ROBO3: variants seen among roughly 807,000 people sequenced by gnomAD.
ROBO3 encodes the protein roundabout guidance receptor 3, also known as roundabout homolog 3.
ROBO3 carries 97 observed loss-of-function variants against 160.5 expected under a neutral mutation model. The observed-to-expected ratio is 0.60, with a 90% CI of 0.51 to 0.72. ROBO3 has a LOEUF of 0.72. Ranked by LOEUF, ROBO3 falls within the 30% of genes least tolerant of loss-of-function variation. The probability of loss-of-function intolerance (pLI) is 0.00; values close to 1 mark genes in which losing one functional copy is unlikely to be tolerated. For synonymous variants in ROBO3, 780 were observed against 746.2 expected (o/e 1.05, Z -0.74); for missense variants, 1,858 against 1,846.5 (o/e 1.01, Z -0.11).
rs970852597 is a variant in ROBO3, at chr11:124,876,364, G to A, written c.2683G>A (p.Ala895Thr). The A allele has an allele frequency of 7.0e-7, 1 of 1,434,684 alleles. No individual in the cohort carries two copies. Among genetic ancestry groups the A allele is most frequent in the Non-Finnish European group, 9.1e-7 (1 of 1,102,800 alleles). The allele number at this position is 1,434,684 out of a possible 1,614,324, so 88.9% of individuals were successfully genotyped here. The part of the protein sequence containing the change: ...ARVLREPAFL[A>T]GSGAACGALL... ...GGTGCTGCGGGAGCCCGCCTTCCTC[G>A]CGGGCAGCGGCGCAGCCTGCGGGGC... is the stretch of plus-strand genomic sequence containing the variant. The change falls in exon 17 of 28, where the codon GCG becomes ACG. Residue 895 changes from alanine (A) to threonine (T), a missense_variant. Coordinates refer to ENST00000397801, the MANE Select transcript of ROBO3 (RefSeq NM_022370.4). The surrounding 1 kb of genome is among the most constrained non-coding windows in gnomAD (Gnocchi z 5.3).
In ROBO3 at chr11:124,869,503, G is replaced by A. The variant is rs1048636434; in HGVS notation, c.541G>A (p.Glu181Lys). 1.9e-6 allele frequency: 3 copies of A among 1,561,148 alleles called. No homozygotes were observed. The highest frequency in any genetic ancestry group is 2.4e-5 in the South Asian group (2 of 84,632). Residue 181 changes from glutamate (E) to lysine (K), a missense_variant, in exon 3 of 28, where the codon GAG becomes AAG. Physicochemically the swap from Glu to Lys is moderately conservative, Grantham distance 56. Transcript: ENST00000397801. The surrounding 1 kb of genome is among the most constrained non-coding windows in gnomAD (Gnocchi z 4.2). ...TGGAAACGTGGTGGTGGCAGTGGGG[G>A]AGCCAGCAGTACTGGAATGCGTGCC... ...SPGNVVVAVGEPAVLECVPPR... is the reference protein window; with the variant it reads ...SPGNVVVAVGKPAVLECVPPR...
In ROBO3 at chr11:124,878,543, C is replaced by A; in HGVS notation, c.3321-41C>A. 6.2e-7 allele frequency: 1 copy of A among 1,604,038 alleles called. No homozygotes were observed. Among genetic ancestry groups the A allele is most frequent in the Non-Finnish European group, 8.5e-7 (1 of 1,174,270 alleles). ...GAAGGCCAACGGGAAGGTATGGAAG[C>A]AGCTGAGCCCTTTCCTTCTCTCCTG... On this transcript the variant is annotated intron_variant, in intron 22 of 27. Transcript: ENST00000397801. The surrounding 1 kb of genome is among the most constrained non-coding windows in gnomAD (Gnocchi z 4.3).
At position 124,879,426 on chromosome 11, in the gene ROBO3, G is replaced by A. The variant is rs760735596; in HGVS notation, c.3686-39G>A. ...CCCTTAGGCCTTTTTCCTGATTTTT[G>A]CCCTTACCCATTCCTCTTCCCGTCT... On this transcript the variant is annotated intron_variant, in intron 24 of 27. Transcript: ENST00000397801. 6 of 1,609,236 alleles carry A rather than the reference G, an allele frequency of 3.7e-6. No individual in the cohort carries two copies. The African/African-American group carries it at 8.0e-5, about 22-fold the overall frequency.
chr11:124,870,664 GT>G lies in ROBO3; in HGVS notation c.970del (p.Tyr324ThrfsTer27). The G allele has an allele frequency of 6.2e-7, 1 of 1,613,362 alleles. No individual in the cohort carries two copies. The highest frequency in any genetic ancestry group is 8.5e-7 in the Non-Finnish European group (1 of 1,179,708). On this transcript the variant is annotated frameshift_variant, in exon 6 of 28. Coordinates refer to ENST00000397801, the MANE Select transcript of ROBO3 (RefSeq NM_022370.4). LOFTEE classifies it high-confidence loss of function. Reference protein sequence around the residue: ...GHVSAEDEGTYTCVAENSVGR... With the variant: ...GHVSAEDEGTXTCVAENSVGR... Reference sequence around the variant, plus strand: ...ATGTGAGTGCCGAAGATGAGGGAACGTACACCTGTGTGGCGGAGAACAGTGT... The same window carrying G: ...ATGTGAGTGCCGAAGATGAGGGAACGACACCTGTGTGGCGGAGAACAGTGT...
intron 1 of ROBO3, 184 bp from the exon 2 acceptor site, chr11:124,868,618 C>G (rs1946234685): frequency 1.4e-6 from 1 of 718,844 alleles, no homozygotes; most frequent in East Asian, 2.7e-5. Context: ...AGACGAGGAA[C>G]GCGGAACGTC....
Position 124,880,565 on chromosome 11 carries a change from A to AGAGCCG in ROBO3, c.4112_4117dup (p.Arg1371_Ser1372dup), listed in dbSNP as rs752622064. On this transcript the variant is annotated inframe_insertion, in exon 27 of 28. Coordinates refer to ENST00000397801, the MANE Select transcript of ROBO3 (RefSeq NM_022370.4). ...CCTGGCCGGAGCCGGAGTCGGAGTC[A>AGAGCCG]GAGCCGGAGCCAGAGCCAAAGGCCA... The AGAGCCG allele has an allele frequency of 1.1e-5, 17 of 1,524,216 alleles. No individual in the cohort carries two copies. The Middle Eastern group carries it at 1.4e-3, about 123-fold the overall frequency. The allele number at this position is 1,524,216 out of a possible 1,614,324, so 94.4% of individuals were successfully genotyped here.
chr11:124,876,325 G>A lies in ROBO3; in HGVS notation c.2644G>A (p.Val882Met). 2 of 1,441,462 alleles carry A rather than the reference G, an allele frequency of 1.4e-6. No individual in the cohort carries two copies. The highest frequency in any genetic ancestry group is 1.8e-6 in the Non-Finnish European group (2 of 1,109,150). The allele number at this position is 1,441,462 out of a possible 1,614,324, so 89.3% of individuals were successfully genotyped here. Residue 882 changes from valine to methionine, a missense_variant, in exon 17 of 28, where the codon GTG becomes ATG. Physicochemically the swap from Val to Met is conservative, Grantham distance 21 (BLOSUM62 1). Coordinates refer to ENST00000397801, the MANE Select transcript of ROBO3 (RefSeq NM_022370.4). This position sits in a 1 kb window ranked among gnomAD's most constrained non-coding sequence, Gnocchi z 5.3. ...PGLEVGAGLA[V>M]RLARVLREPA... ...GCTGGAGGTGGGCGCGGGGCTGGCG[G>A]TGCGGCTGGCGAGGGTGCTGCGGGA...
rs1182848695 is a variant in ROBO3 at position 124,869,404 on chromosome 11, T to C, written c.488-46T>C. 1.3e-6 allele frequency: 2 copies of C among 1,487,222 alleles called. No individual in the cohort carries two copies. Among genetic ancestry groups the C allele is most frequent in the Non-Finnish European group, 9.2e-7 (1 of 1,090,132 alleles). 92.1% of individuals were successfully genotyped at this position (1,487,222 alleles called of 1,614,324 possible). ...CTTTCCCTGTGTCCTCAGCCAGTTA[T>C]GTCACTCTACACCCTGCTTATTTCG... is the stretch of plus-strand genomic sequence containing the variant. On this transcript the variant is annotated intron_variant, in intron 2 of 27. Coordinates refer to ENST00000397801, the MANE Select transcript of ROBO3 (RefSeq NM_022370.4). This position sits in a 1 kb window ranked among gnomAD's most constrained non-coding sequence, Gnocchi z 4.2.
rs2135327010 is a variant in ROBO3 at position 124,870,648 on chromosome 11, C to T, written c.953C>T (p.Ala318Val). Reference protein sequence around the residue: ...DHSLWIGHVSAEDEGTYTCVA... With the variant: ...DHSLWIGHVSVEDEGTYTCVA... Reference sequence around the variant, plus strand: ...AGCCTTTGGATTGGGCATGTGAGTGCCGAAGATGAGGGAACGTACACCTGT... The same window carrying T: ...AGCCTTTGGATTGGGCATGTGAGTGTCGAAGATGAGGGAACGTACACCTGT... Residue 318 changes from alanine to valine, a missense_variant, in exon 6 of 28, where the codon GCC becomes GTC. Coordinates refer to ENST00000397801, the MANE Select transcript of ROBO3 (RefSeq NM_022370.4). 6.2e-7 allele frequency: 1 copy of T among 1,613,398 alleles called. No individual in the cohort carries two copies. The highest frequency in any genetic ancestry group is 8.5e-7 in the Non-Finnish European group (1 of 1,179,750).
In ROBO3 at chr11:124,871,065, A is replaced by G. The variant is rs1946274888; in HGVS notation, c.1085A>G (p.Glu362Gly). The change falls in exon 7 of 28, where the codon GAG (glutamate) becomes GGG (glycine). Residue 362 changes from glutamate to glycine, a missense_variant. Physicochemically the swap from Glu to Gly is moderately conservative, Grantham distance 98 (BLOSUM62 -2). Coordinates refer to ENST00000397801, the MANE Select transcript of ROBO3 (RefSeq NM_022370.4). Reference protein sequence around the residue: ...QPQDQMAAPGESVAFQCETKG... With the variant: ...QPQDQMAAPGGSVAFQCETKG... ...CAGGACCAGATGGCAGCTCCTGGAG[A>G]GAGCGTGGCTTTCCAGTGCGAGACC... The G allele has an allele frequency of 6.2e-7, 1 of 1,613,568 alleles. No individual in the cohort carries two copies. The highest frequency in any genetic ancestry group is 1.7e-5 in the Admixed American group (1 of 60,000).
chr11:124,869,166 G>T lies in ROBO3; in HGVS notation c.487+38G>T. 1 of 1,502,706 alleles carries T rather than the reference G, an allele frequency of 6.7e-7. No individual in the cohort carries two copies. The highest frequency in any genetic ancestry group is 8.9e-7 in the Non-Finnish European group (1 of 1,121,452). 93.1% of individuals were successfully genotyped at this position (1,502,706 alleles called of 1,614,324 possible). A position where few individuals can be genotyped will look rare whatever the true frequency, so the allele number is the denominator to read the frequency against. On this transcript the variant is annotated intron_variant, in intron 2 of 27. Coordinates refer to ENST00000397801, the MANE Select transcript of ROBO3 (RefSeq NM_022370.4). This position sits in a 1 kb window ranked among gnomAD's most constrained non-coding sequence, Gnocchi z 4.2. ...TGACCGTCAGCTGGTTGCTTCCAGA[G>T]CCTGGGGTAGGCGGGAGGGCACTGG...
In ROBO3 at chr11:124,879,827, G is replaced by C. The variant is rs750156908; in HGVS notation, c.3837G>C (p.Ala1279=). The change falls in exon 26 of 28, where the codon GCG becomes GCC. Residue 1279 remains alanine, a synonymous_variant. Coordinates refer to ENST00000397801, the MANE Select transcript of ROBO3 (RefSeq NM_022370.4). ...CCTTGCCACCGCCAGAGGAAGAGGCGAGCTGGGCCCTAGAGCTGAGGGCAG... is the reference window on the plus strand; with the variant it reads ...CCTTGCCACCGCCAGAGGAAGAGGCCAGCTGGGCCCTAGAGCTGAGGGCAG... The part of the protein sequence containing the change: ...PPPLPPPEEE[A]SWALELRAAG... 1.2e-6 allele frequency: 2 copies of C among 1,613,792 alleles called. No homozygotes were observed. The highest frequency in any genetic ancestry group is 1.7e-5 in the Admixed American group (1 of 60,000).
intron 6 of ROBO3, 57 bp from the exon 7 acceptor site, chr11:124,870,957 G>C: frequency 6.3e-7 from 1 of 1,583,974 alleles, no homozygotes; most frequent in Non-Finnish European, 8.6e-7. Flanking sequence ...TGTTCCTGCA[G>C]TCTCCTTTCT....
In ROBO3 at chr11:124,873,240, T is replaced by TCC; in HGVS notation, c.1537-70_1537-69insCC. 1 of 1,471,510 alleles carries TCC rather than the reference T, an allele frequency of 6.8e-7. No individual in the cohort carries two copies. The highest frequency in any genetic ancestry group is 1.2e-5 in the South Asian group (1 of 82,652). 91.2% of individuals were successfully genotyped at this position (1,471,510 alleles called of 1,614,324 possible). A position where few individuals can be genotyped will look rare whatever the true frequency, so the allele number is the denominator to read the frequency against. The stretch of plus-strand genomic sequence containing the variant: ...ATCCAACATCTTCCCATCCTTCTGC[T>TCC]ACCCGCCTCCACCCCCTCACTGGAT... On this transcript the variant is annotated intron_variant, in intron 9 of 27. Transcript: ENST00000397801. This position sits in a 1 kb window ranked among gnomAD's most constrained non-coding sequence, Gnocchi z 4.5.
chr11:124,867,707 G>T, intron 1 of ROBO3, among the ~76,000 whole-genome samples: 1 of 149,850 alleles, frequency 6.7e-6, no homozygotes, highest in East Asian at 2.0e-4. Flanking sequence ...AAGAGGGGGG[G>T]CAGGAAATGA....
Position 124,881,381 on chromosome 11 carries a change from G to A in ROBO3, c.*131G>A. 1 of 857,860 alleles carries A rather than the reference G, an allele frequency of 1.2e-6. No individual in the cohort carries two copies. The highest frequency in any genetic ancestry group is 1.9e-6 in the Non-Finnish European group (1 of 530,470). 53.1% of individuals were successfully genotyped at this position (857,860 alleles called of 1,614,324 possible). ...TTCCACGATTTCAATTGGCTGAGAA[G>A]GCAGAGAGCTAGCTCCTCCCTTTCT... On this transcript the variant is annotated 3_prime_UTR_variant, in exon 28 of 28. Coordinates refer to ENST00000397801, the MANE Select transcript of ROBO3 (RefSeq NM_022370.4).
In ROBO3 at chr11:124,869,391, C is replaced by T; in HGVS notation, c.488-59C>T. ...TCCCAAGACAACACTTTCCCTGTGT[C>T]CTCAGCCAGTTATGTCACTCTACAC... On this transcript the variant is annotated intron_variant, in intron 2 of 27. Coordinates refer to ENST00000397801, the MANE Select transcript of ROBO3 (RefSeq NM_022370.4). The surrounding 1 kb of genome is among the most constrained non-coding windows in gnomAD (Gnocchi z 4.2). The T allele has an allele frequency of 1.4e-6, 2 of 1,430,782 alleles. No homozygotes were observed. The highest frequency in any genetic ancestry group is 1.9e-6 in the Non-Finnish European group (2 of 1,038,892). 88.6% of individuals were successfully genotyped at this position (1,430,782 alleles called of 1,614,324 possible).
Position 124,879,974 on chromosome 11 carries a change from G to A in ROBO3, c.3958+26G>A, listed in dbSNP as rs202187918. On this transcript the variant is annotated intron_variant, in intron 26 of 27. Coordinates refer to ENST00000397801, the MANE Select transcript of ROBO3 (RefSeq NM_022370.4). ...GTAAGCAGGGCCAGGGCAGGCAGGA[G>A]GGCTGCTGCCACAGGAGACTGTGGG... is the stretch of plus-strand genomic sequence containing the variant. The A allele has an allele frequency of 8.6e-5, 132 of 1,534,152 alleles. 1 individual carries two copies. The East Asian group carries it at 3.1e-3, about 36-fold the overall frequency.
Position 124,869,898 on chromosome 11 carries a change from A to G in ROBO3, c.646-50A>G, listed in dbSNP as rs1389956316. ...ATACACATATATTCACCATATATAT[A>G]TACGCTGTGATAGCTGAAATGGACC... is the stretch of plus-strand genomic sequence containing the variant. On this transcript the variant is annotated intron_variant, in intron 3 of 27. Transcript: ENST00000397801. This position sits in a 1 kb window ranked among gnomAD's most constrained non-coding sequence, Gnocchi z 4.2. 6.4e-7 allele frequency: 1 copy of G among 1,552,308 alleles called. No homozygotes were observed. The highest frequency in any genetic ancestry group is 2.4e-5 in the East Asian group (1 of 41,008).
Sources: gnomAD v4.1 joint callset for allele counts (sites outside exome capture counted in the v4.1 genomes callset) on GRCh38, gnomAD v4.1.1 for gene constraint, Gnocchi (gnomAD v3.1) non-coding constraint, MANE v1.5 for transcripts, NCBI Gene and HGNC (gene_info 2026-07-23, HGNC 2026-07-21) for gene names.